Variants in PCGF3 observed in about 807,000 individuals in gnomAD.
The protein encoded by PCGF3 is polycomb group RING finger protein 3.
PCGF3 carries 7 observed loss-of-function variants against 33.1 expected under a neutral mutation model. The observed-to-expected ratio is 0.21, with a 90% CI of 0.12 to 0.40. PCGF3 has a LOEUF of 0.40. PCGF3 is among the 10% of genes least tolerant of loss of function. PCGF3 has a pLI of 1.00. For synonymous variants in PCGF3, 153 were observed against 121.3 expected, an observed-to-expected ratio of 1.26 and a Z score of -1.72; for missense variants, 211 against 313.3, an observed-to-expected ratio of 0.67 and a Z score of 2.46.
exon 5 of PCGF3, chr4:734,970 A>G (rs746240016): frequency 1.2e-6 from 2 of 1,613,718 alleles, no homozygotes; most frequent in Admixed American, 1.7e-5. Context: ...GAGGAGAACA[A>G]CACCTGCCCC....
intron 6 of PCGF3, among the ~76,000 whole-genome samples, chr4:741,056 A>G (rs969068411): frequency 4.6e-5 from 7 of 152,262 alleles, no homozygotes; most frequent in African/African-American, 1.7e-4. Flanking sequence ...ATGGCAAAGC[A>G]CCGACTTTCT....
At position 724,599 on chromosome 4, in the gene PCGF3, G is replaced by A. The variant is rs541565368; in HGVS notation, c.-189-6031G>A. Reference sequence around the variant, plus strand: ...CCCAGCACTTTGGGAGGCCTAGGTGGGCAGATCCTGAGGTCAGGAGTCGAG... The same window carrying A: ...CCCAGCACTTTGGGAGGCCTAGGTGAGCAGATCCTGAGGTCAGGAGTCGAG... On this transcript the variant is annotated intron_variant, in intron 1 of 10. Transcript: ENST00000362003. 3.3e-5 allele frequency among the ~76,000 whole-genome samples: 5 copies of A among 152,346 alleles called. No individual in the cohort carries two copies. The South Asian group carries it at 1.0e-3, about 32-fold the overall frequency.
chr4:710,697 T>G (rs554243361), intron 1 of PCGF3, among the ~76,000 whole-genome samples: 1 of 152,296 alleles, frequency 6.6e-6, no homozygotes, highest in Non-Finnish European at 1.5e-5. Context: ...TAGAAAAGAT[T>G]CTTAGGAATT....
chr4:743,375 A>G, intron 6 of PCGF3, 99 bp from the exon 7 acceptor site: 1 of 709,720 alleles, frequency 1.4e-6, no homozygotes, highest in Non-Finnish European at 2.5e-6. Context: ...CAAACTTCAT[A>G]ATGCAAATCC....
chr4:765,215 C>T (rs1325970069), intron 10 of PCGF3, 151 bp downstream of exon 10: 19 of 586,876 alleles, frequency 3.2e-5, no homozygotes, highest in South Asian at 7.6e-5. Context: ...GGGCGGATCA[C>T]GAGGTCAGGA....
intron 10 of PCGF3, 111 bp from the exon 11 acceptor site, chr4:765,921 A>G (rs6810428): frequency 0.41 from 376,509 of 915,612 alleles, 80,099 homozygotes; most frequent in Middle Eastern, 0.55. Flanking sequence ...GCAGCCCTGC[A>G]TGTGGACTGT....
At chr4:716,330 C>T (rs867765862) in intron 1 of PCGF3, among the ~76,000 whole-genome samples, 16 of 39,412 alleles carry the variant, frequency 4.1e-4, no homozygotes, top group South Asian at 9.6e-4. Flanking sequence ...GTGGACACTG[C>T]GAGTGTGAGA....
At chr4:718,288 C>T (rs1265463541) in intron 1 of PCGF3, among the ~76,000 whole-genome samples, 5 of 151,986 alleles carry the variant, frequency 3.3e-5, no homozygotes, top group Non-Finnish European at 5.9e-5. Context: ...CGCTGGGGGC[C>T]GGACTGCTGA....
chr4:739,112 T>A (rs1229815064), intron 6 of PCGF3, among the ~76,000 whole-genome samples: 1 of 152,226 alleles, frequency 6.6e-6, no homozygotes, highest in Admixed American at 6.5e-5. Flanking sequence ...TGATAATGTT[T>A]AGGAAAATAG....
intron 10 of PCGF3, 159 bp downstream of exon 10, chr4:765,223 G>C: frequency 1.7e-6 from 1 of 580,406 alleles, no homozygotes; most frequent in Non-Finnish European, 3.2e-6. Context: ...CACGAGGTCA[G>C]GAGATCCAGA....
At chr4:725,595 G>A (rs1436366410) in intron 1 of PCGF3, among the ~76,000 whole-genome samples, 3 of 148,078 alleles carry the variant, frequency 2.0e-5, no homozygotes, top group East Asian at 4.0e-4. Flanking sequence ...TGGGCTCTGC[G>A]CTGTGGCTGT....
intron 1 of PCGF3, among the ~76,000 whole-genome samples, chr4:708,379 CGG>C (rs574988511): frequency 1.1e-4 from 16 of 152,086 alleles, no homozygotes; most frequent in South Asian, 6.2e-4. Context: ...CTGGGACCCT[CGG>C]GGGGGAATCC....
chr4:733,364 C>T (rs34434107), intron 3 of PCGF3, among the ~76,000 whole-genome samples: 60,810 of 152,146 alleles, frequency 0.4, 14,066 homozygotes, highest in African/African-American at 0.64. Context: ...TCCTGCCTCT[C>T]TGCAGCTTTA....
At position 731,102 on chromosome 4, in the gene PCGF3, CTAGCGGAGGTG is replaced by C; in HGVS notation, c.-17_-10+3del. 1 of 398,610 alleles carries C rather than the reference CTAGCGGAGGTG, an allele frequency of 2.5e-6. No homozygotes were observed. Among genetic ancestry groups the C allele is most frequent in the Non-Finnish European group, 4.4e-6 (1 of 226,006 alleles). 24.7% of individuals were successfully genotyped at this position (398,610 alleles called of 1,614,324 possible). A position where few individuals can be genotyped will look rare whatever the true frequency, so the allele number is the denominator to read the frequency against. The stretch of plus-strand genomic sequence containing the variant: ...GGCAGAGGGACGGACACGCGGACGT[CTAGCGGAGGTG>C]AGGCCCACGCCCCCCGACCCCGGGG... On this transcript the variant is annotated splice_donor_variant and splice_donor_region_variant and 5_prime_UTR_variant and intron_variant, in exon 3 of 11. Coordinates refer to ENST00000362003, the Ensembl canonical transcript of PCGF3. LOFTEE classifies it low-confidence loss of function (5UTR_SPLICE).
At chr4:766,122 G>C (rs765332768) in exon 11 of PCGF3, 49 of 1,570,778 alleles carry the variant, frequency 3.1e-5, no homozygotes, top group Non-Finnish European at 4.3e-5. Flanking sequence ...TCGCACCCTT[G>C]GGTGCTCCCG....
At chr4:730,252 G>A (rs1408626937) in intron 1 of PCGF3, among the ~76,000 whole-genome samples, 1 of 152,184 alleles carries the variant, frequency 6.6e-6, no homozygotes, top group African/African-American at 2.4e-5. Context: ...TCACTGCCTT[G>A]CCTCTGAGGT....
chr4:768,199 G>A (rs929214352), exon 11 of PCGF3: 6 of 152,684 alleles, frequency 3.9e-5, no homozygotes, highest in East Asian at 1.9e-4. Context: ...TTGTAACCGC[G>A]TTAACCTGAC....
intron 3 of PCGF3, among the ~76,000 whole-genome samples, chr4:732,676 C>G (rs534370151): frequency 6.6e-6 from 1 of 152,282 alleles, no homozygotes; most frequent in South Asian, 2.1e-4. Context: ...GGCTGGGCCT[C>G]TTGGTGGCGG....
At chr4:756,363 C>G (rs749751756) in intron 8 of PCGF3, among the ~76,000 whole-genome samples, 2 of 151,904 alleles carry the variant, frequency 1.3e-5, no homozygotes, top group Non-Finnish European at 2.9e-5. Flanking sequence ...CAGGCACGCA[C>G]CACCATGCCC....
Sources: allele counts gnomAD v4.1 joint callset (sites outside exome capture counted in the v4.1 genomes callset), GRCh38; gene constraint gnomAD v4.1.1; transcripts MANE v1.5; gene names NCBI Gene and HGNC (gene_info 2026-07-23, HGNC 2026-07-21).